CDKL5: variants seen among roughly 807,000 people sequenced by gnomAD.
The protein encoded by CDKL5 is cyclin-dependent kinase-like 5.
A neutral mutation model predicts 61.7 loss-of-function variants in CDKL5; 8 were observed. That is an observed-to-expected ratio of 0.13 (90% CI 0.08 to 0.23). CDKL5 has a LOEUF of 0.23. CDKL5 is among the 10% of genes least tolerant of loss of function. The pLI is 1.00. For synonymous variants in CDKL5, 275 were observed against 272.3 expected (o/e 1.01, Z -0.10); for missense variants, 440 against 734.5 (o/e 0.60, Z 4.63).
At chrX:18,549,201 G>GT (rs1924301340) in intron 3 of CDKL5, among the ~76,000 whole-genome samples, 1 of 112,100 alleles carries the variant, frequency 8.9e-6, no homozygotes, top group African/African-American at 3.2e-5. Context: ...TTGCTCTGTA[G>GT]TAGCTATGCT....
chrX:18,459,826 T>G lies in CDKL5; in HGVS notation c.-163+34131T>G, dbSNP rs1364170344. 6.2e-5 allele frequency among the ~76,000 whole-genome samples: 6 copies of G among 97,454 alleles called. No homozygotes were observed. In the Admixed American group the frequency reaches 7.0e-4, roughly 11 times the overall value. 84.6% of individuals were successfully genotyped at this position (97,454 alleles called of 115,157 possible). ...TTCAAGTGATTCTCCTACCTTAGCCTCCTGAGTAGCTGGGACTACAGGTGC... is the reference window on the plus strand; with the variant it reads ...TTCAAGTGATTCTCCTACCTTAGCCGCCTGAGTAGCTGGGACTACAGGTGC... On this transcript the variant is annotated intron_variant, in intron 1 of 17. Coordinates refer to ENST00000623535, the MANE Select transcript of CDKL5 (RefSeq NM_001323289.2).
chrX:18,606,174 TCACACA>T lies in CDKL5; in HGVS notation c.1944+1337_1944+1342del, dbSNP rs528800542. ...TCAGCCTGGTGACAGAGCAAGACTG[TCACACA>T]CACACACACACACACACACACACAC... is the stretch of plus-strand genomic sequence containing the variant. On this transcript the variant is annotated intron_variant, in intron 12 of 17. Coordinates refer to ENST00000623535, the MANE Select transcript of CDKL5 (RefSeq NM_001323289.2). Among the ~76,000 whole-genome samples, 302 of 96,882 alleles carry T rather than the reference TCACACA, an allele frequency of 3.1e-3. 1 individual carries two copies. The highest frequency in any genetic ancestry group is 0.014 in the Admixed American group (129 of 9,100). 84.1% of individuals were successfully genotyped at this position (96,882 alleles called of 115,157 possible).
chrX:18,596,496 T>C (rs1245735297), intron 10 of CDKL5, among the ~76,000 whole-genome samples: 1 of 112,442 alleles, frequency 8.9e-6, no homozygotes, highest in Non-Finnish European at 1.9e-5. Flanking sequence ...TACTGAATAC[T>C]GTTTTTTATA....
chrX:18,642,219 T>C, downstream of CDKL5: 1 of 1,116,093 alleles, frequency 9.0e-7, no homozygotes, highest in Non-Finnish European at 1.2e-6. Flanking sequence ...GAAGGGTTCC[T>C]TTCTGGAGCT....
intron 1 of CDKL5, among the ~76,000 whole-genome samples, chrX:18,447,230 A>G (rs1171110877): frequency 1.8e-5 from 2 of 111,067 alleles, no homozygotes; most frequent in Admixed American, 1.9e-4. Context: ...CTGGTCCACA[A>G]TGTCAGTAGT....
At chrX:18,595,990 T>G (rs1352866195) in intron 10 of CDKL5, among the ~76,000 whole-genome samples, 1 of 111,435 alleles carries the variant, frequency 9.0e-6, no homozygotes, top group East Asian at 2.8e-4. Context: ...TTCTCAAATT[T>G]CTTTATTCAA....
At chrX:18,501,993 T>C (rs960611439) in intron 1 of CDKL5, among the ~76,000 whole-genome samples, 1 of 112,464 alleles carries the variant, frequency 8.9e-6, no homozygotes, top group Non-Finnish European at 1.9e-5. Flanking sequence ...CTGAGTGTTC[T>C]TTCAAACCAG....
At chrX:18,458,486 C>CAGG (rs1197753086) in intron 1 of CDKL5, among the ~76,000 whole-genome samples, 13 of 110,820 alleles carry the variant, frequency 1.2e-4, no homozygotes, top group Non-Finnish European at 1.9e-5. Context: ...AACTTGAACC[C>CAGG]AGGAGTTTGA....
chrX:18,611,482 T>G (rs1220511731), intron 14 of CDKL5, among the ~76,000 whole-genome samples: 1 of 109,338 alleles, frequency 9.1e-6, no homozygotes, highest in African/African-American at 3.3e-5. Flanking sequence ...AAGCTTTTAA[T>G]TAAGATTTAA....
At chrX:18,502,570 T>TA (rs779195537) in intron 1 of CDKL5, among the ~76,000 whole-genome samples, 1 of 111,007 alleles carries the variant, frequency 9.0e-6, no homozygotes, top group African/African-American at 3.3e-5. Context: ...GGGAGGCCAT[T>TA]AGAGGGTTTT....
chrX:18,634,551 G>C lies in CDKL5; in HGVS notation c.*5794G>C. The C allele has an allele frequency of 5.3e-6, 4 of 754,422 alleles. No homozygotes were observed. The highest frequency in any genetic ancestry group is 4.7e-6 in the Non-Finnish European group (3 of 639,421). 62.2% of individuals were successfully genotyped at this position (754,422 alleles called of 1,213,427 possible). A position where few individuals can be genotyped will look rare whatever the true frequency, so the allele number is the denominator to read the frequency against. On this transcript the variant is annotated 3_prime_UTR_variant, in exon 18 of 18. Transcript: ENST00000623535. ...TAAGTAAGTTCTCCAGCACGGCTTA[G>C]GTTTTCCAAAATGGAAAGCAAAGCT...
intron 1 of CDKL5, among the ~76,000 whole-genome samples, chrX:18,454,256 A>G (rs1932089260): frequency 1.9e-5 from 2 of 107,646 alleles, no homozygotes; most frequent in African/African-American, 6.8e-5. Context: ...TTTTTTTTTG[A>G]GATGGAGTCT....
In CDKL5 at chrX:18,598,608, T is replaced by C; in HGVS notation, c.972T>C (p.Ser324=). 1 of 1,208,203 alleles carries C rather than the reference T, an allele frequency of 8.3e-7. No individual in the cohort carries two copies. Among genetic ancestry groups the C allele is most frequent in the Non-Finnish European group, 1.1e-6 (1 of 892,257 alleles). The change falls in exon 11 of 18, where the codon TCT becomes TCC. Residue 324 remains serine, a synonymous_variant. Transcript: ENST00000623535. ...ACCATGTGGAAAGCAGCACATTGTC[T>C]AATAGGTAAATATTCCCTTTTAAGG... ...KPYHVESSTL[S]NRNQAGKSTA...
intron 1 of CDKL5, among the ~76,000 whole-genome samples, chrX:18,486,632 G>A (rs1286049952): frequency 1.8e-5 from 2 of 111,902 alleles, no homozygotes; most frequent in Non-Finnish European, 3.8e-5. Context: ...CATTATTAAA[G>A]TACTGAAGTT....
chrX:18,578,552 T>A (rs998868478), intron 5 of CDKL5, among the ~76,000 whole-genome samples: 2 of 112,478 alleles, frequency 1.8e-5, no homozygotes, highest in African/African-American at 6.5e-5. Flanking sequence ...ATATTAGTCA[T>A]GACTGAGCAA....
At chrX:18,446,179 A>C (rs1389872872) in intron 1 of CDKL5, among the ~76,000 whole-genome samples, 1 of 101,280 alleles carries the variant, frequency 9.9e-6, no homozygotes, top group Non-Finnish European at 2.0e-5. Flanking sequence ...CCCCGTCTCT[A>C]CTAAAAATAC....
intron 12 of CDKL5, among the ~76,000 whole-genome samples, chrX:18,606,060 A>T (rs1002475372): frequency 1.8e-5 from 2 of 110,991 alleles, no homozygotes; most frequent in African/African-American, 3.3e-5. Context: ...GTGTGCCTGT[A>T]ATTCCAGCTA....
At chrX:18,647,641 C>A (rs1927841254) in intron 20 of CDKL5, 4 of 307,732 alleles carry the variant, frequency 1.3e-5, no homozygotes, top group Non-Finnish European at 2.3e-5. Flanking sequence ...ACCTCCTCCA[C>A]CAACTTAGAG....
At chrX:18,581,767 C>T in intron 6 of CDKL5, 124 bp from the exon 7 acceptor site, 1 of 441,691 alleles carries the variant, frequency 2.3e-6, no homozygotes, top group African/African-American at 2.4e-5. Context: ...ATTTTTGCTG[C>T]CACAGTTTTC....
Sources: allele counts gnomAD v4.1 joint callset (sites outside exome capture counted in the v4.1 genomes callset), GRCh38; gene constraint gnomAD v4.1.1; transcripts MANE v1.5; gene names NCBI Gene and HGNC (gene_info 2026-07-23, HGNC 2026-07-21).